Variants in CAV3 observed in about 807,000 individuals in gnomAD.
The protein encoded by CAV3 is caveolin-3.
A neutral mutation model predicts 13.4 loss-of-function variants in CAV3; 10 were observed. The ratio of observed to expected loss-of-function variants is 0.75; its 90% confidence interval spans 0.46 to 1.27. The LOEUF (loss-of-function observed/expected upper bound fraction) is 1.27, where lower values mean the gene tolerates loss of function less well. Ranked by LOEUF, CAV3 falls within the 50% of genes most tolerant of loss-of-function variation. The pLI, the probability that CAV3 is intolerant of heterozygous loss-of-function variation, is 0.00. For missense variants in CAV3, 162 were observed against 194.0 expected, an observed-to-expected ratio of 0.83 and a Z score of 0.98; for synonymous variants, 90 against 79.0, an observed-to-expected ratio of 1.14 and a Z score of -0.74.
At position 8,746,106 on chromosome 3, in the gene CAV3, A is replaced by G; in HGVS notation, c.*239A>G. 2.0e-6 allele frequency: 1 copy of G among 502,894 alleles called. No individual in the cohort carries two copies. Among genetic ancestry groups the G allele is most frequent in the Non-Finnish European group, 3.6e-6 (1 of 279,640 alleles). 31.2% of individuals were successfully genotyped at this position (502,894 alleles called of 1,614,324 possible). A position where few individuals can be genotyped will look rare whatever the true frequency, so the allele number is the denominator to read the frequency against. ...TGCCCCCATGCCTGGGCGTGGGGGA[A>G]GATCATTTGCCAAGAGGCAGCTACT... On this transcript the variant is annotated 3_prime_UTR_variant, in exon 2 of 2. Coordinates refer to ENST00000343849, the MANE Select transcript of CAV3 (RefSeq NM_033337.3).
Position 8,746,015 on chromosome 3 carries a change from A to G in CAV3, c.*148A>G. On this transcript the variant is annotated 3_prime_UTR_variant, in exon 2 of 2. Transcript: ENST00000343849. ...ATGGAGCACACGGTGTAGGGAAGCC[A>G]GAAAGAAAAGACGGCCCAGCCACAG... 1 of 639,830 alleles carries G rather than the reference A, an allele frequency of 1.6e-6. No homozygotes were observed. 39.6% of individuals were successfully genotyped at this position (639,830 alleles called of 1,614,324 possible). A position where few individuals can be genotyped will look rare whatever the true frequency, so the allele number is the denominator to read the frequency against.
chr3:8,733,807 C>A lies in CAV3; in HGVS notation c.-70C>A, dbSNP rs1707646830. ...TGGGGACACTGAATTGGTCTCTCTG[C>A]CCCAAGTATTTTCAGCCCCAGCCGG... On this transcript the variant is annotated 5_prime_UTR_variant, in exon 1 of 2. Transcript: ENST00000343849. 2.2e-6 allele frequency: 2 copies of A among 909,182 alleles called. No homozygotes were observed. Among genetic ancestry groups the A allele is most frequent in the Non-Finnish European group, 3.6e-6 (2 of 549,764 alleles). The allele number at this position is 909,182 out of a possible 1,614,324, so 56.3% of individuals were successfully genotyped here. A position where few individuals can be genotyped will look rare whatever the true frequency, so the allele number is the denominator to read the frequency against.
chr3:8,743,480 C>G (rs1708044848), intron 1 of CAV3, among the ~76,000 whole-genome samples: 1 of 152,176 alleles, frequency 6.6e-6, no homozygotes, highest in Non-Finnish European at 1.5e-5. Context: ...TTCCTCTCCT[C>G]CCATCCACAG....
chr3:8,740,981 C>G (rs1305526498), intron 1 of CAV3, among the ~76,000 whole-genome samples: 1 of 152,250 alleles, frequency 6.6e-6, no homozygotes, highest in Admixed American at 6.5e-5. Context: ...TGGCCCCAAA[C>G]TGACATGCAT....
chr3:8,737,664 C>A (rs1249192008), intron 1 of CAV3, among the ~76,000 whole-genome samples: 1 of 152,140 alleles, frequency 6.6e-6, no homozygotes, highest in Non-Finnish European at 1.5e-5. Flanking sequence ...CCCTCCTCAC[C>A]AACACTGATT....
chr3:8,737,215 G>A (rs1707786997), intron 1 of CAV3, among the ~76,000 whole-genome samples: 1 of 152,204 alleles, frequency 6.6e-6, no homozygotes, highest in South Asian at 2.1e-4. Context: ...TGGCCTCACA[G>A]GTGGTAGCAG....
intron 1 of CAV3, among the ~76,000 whole-genome samples, chr3:8,741,004 A>G (rs1050354270): frequency 6.6e-6 from 1 of 152,276 alleles, no homozygotes; most frequent in African/African-American, 2.4e-5. Context: ...AGGGCCATAT[A>G]CATCGTGGGT....
At chr3:8,744,215 A>C (rs1247001102) in intron 1 of CAV3, among the ~76,000 whole-genome samples, 1 of 151,840 alleles carries the variant, frequency 6.6e-6, no homozygotes, top group Non-Finnish European at 1.5e-5. Flanking sequence ...GGTAACAACC[A>C]TGGGGAGACC....
At chr3:8,744,365 G>A (rs1199892786) in intron 1 of CAV3, among the ~76,000 whole-genome samples, 1 of 140,632 alleles carries the variant, frequency 7.1e-6, no homozygotes, top group Non-Finnish European at 1.5e-5. Context: ...TGCAAGCCCC[G>A]CCTCCCGGGT....
chr3:8,736,244 C>T (rs1317061855), intron 1 of CAV3, among the ~76,000 whole-genome samples: 1 of 152,132 alleles, frequency 6.6e-6, no homozygotes, highest in African/African-American at 2.4e-5. Flanking sequence ...GACTCAGTTT[C>T]CCCTGTAAAG....
intron 1 of CAV3, chr3:8,742,699 G>C: frequency 6.2e-6 from 2 of 322,268 alleles, no homozygotes; most frequent in South Asian, 4.9e-5. Flanking sequence ...TGGGCAAAGT[G>C]GGTAATCAAT....
At chr3:8,734,062 G>A in intron 1 of CAV3, 72 bp downstream of exon 1, 1 of 821,732 alleles carries the variant, frequency 1.2e-6, no homozygotes, top group Non-Finnish European at 2.1e-6. Context: ...TGGCAGGGGA[G>A]GGTATCTGCT....
rs13093809 is a variant in CAV3, at chr3:8,746,410, T to C, written c.*543T>C. ...GTCTCTTCACTTGGCCAAATGTAAGTGAAGAACAGAGTCTTTTTCTTCTTC... is the reference window on the plus strand; with the variant it reads ...GTCTCTTCACTTGGCCAAATGTAAGCGAAGAACAGAGTCTTTTTCTTCTTC... On this transcript the variant is annotated 3_prime_UTR_variant, in exon 2 of 2. Transcript: ENST00000343849. 0.1 allele frequency: 15,573 copies of C among 153,622 alleles called. 1,056 individuals carry two copies. The highest frequency in any genetic ancestry group is 0.16 in the Non-Finnish European group (10,753 of 68,922). 9.5% of individuals were successfully genotyped at this position (153,622 alleles called of 1,614,324 possible). A position where few individuals can be genotyped will look rare whatever the true frequency, so the allele number is the denominator to read the frequency against.
intron 1 of CAV3, among the ~76,000 whole-genome samples, chr3:8,735,624 C>T (rs62242629): frequency 2.6e-5 from 4 of 152,156 alleles, no homozygotes; most frequent in Non-Finnish European, 4.4e-5. Context: ...GCCTGTATTG[C>T]GGTCTTTCAG....
At position 8,745,942 on chromosome 3, in the gene CAV3, G is replaced by A; in HGVS notation, c.*75G>A. ...TGGTCCCCGGGGGACTTCTTCACAG[G>A]GGCTGCTGGCGAGCTCTTTCTCTTT... On this transcript the variant is annotated 3_prime_UTR_variant, in exon 2 of 2. Coordinates refer to ENST00000343849, the MANE Select transcript of CAV3 (RefSeq NM_033337.3). The surrounding 1 kb of genome is among the most constrained non-coding windows in gnomAD (Gnocchi z 4.8). 2 of 1,237,634 alleles carry A rather than the reference G, an allele frequency of 1.6e-6. No individual in the cohort carries two copies. Among genetic ancestry groups the A allele is most frequent in the Non-Finnish European group, 2.3e-6 (2 of 868,826 alleles). The allele number at this position is 1,237,634 out of a possible 1,614,324, so 76.7% of individuals were successfully genotyped here.
chr3:8,736,156 C>T (rs1707746415), intron 1 of CAV3, among the ~76,000 whole-genome samples: 1 of 152,150 alleles, frequency 6.6e-6, no homozygotes, highest in Admixed American at 6.5e-5. Flanking sequence ...CTGGACTTGA[C>T]TTTAATAGAC....
intron 1 of CAV3, among the ~76,000 whole-genome samples, chr3:8,743,646 C>T (rs1445436175): frequency 6.6e-6 from 1 of 152,188 alleles, no homozygotes; most frequent in Non-Finnish European, 1.5e-5. Flanking sequence ...TGACACACCA[C>T]CCCGAGTGAG....
intron 1 of CAV3, among the ~76,000 whole-genome samples, chr3:8,734,226 G>C (rs915118144): frequency 4.1e-5 from 6 of 145,302 alleles, no homozygotes; most frequent in African/African-American, 1.5e-4. Flanking sequence ...CATGACCTAA[G>C]TGCTAATCAG....
In CAV3 at chr3:8,745,522, G is replaced by A. The variant is rs1164773455; in HGVS notation, c.115-4G>A. 1 of 1,612,886 alleles carries A rather than the reference G, an allele frequency of 6.2e-7. No homozygotes were observed. The highest frequency in any genetic ancestry group is 8.5e-7 in the Non-Finnish European group (1 of 1,178,938). Reference sequence around the variant, plus strand: ...GTTGAGGCTTCCCCTTGCCACCCCTGCAGGTGGATTTTGAAGACGTGATCG... The same window carrying A: ...GTTGAGGCTTCCCCTTGCCACCCCTACAGGTGGATTTTGAAGACGTGATCG... On this transcript the variant is annotated splice_region_variant and splice_polypyrimidine_tract_variant and intron_variant, in intron 1 of 1. Transcript: ENST00000343849. The surrounding 1 kb of genome is among the most constrained non-coding windows in gnomAD (Gnocchi z 4.8).
Sources: gnomAD v4.1 joint callset for allele counts (sites outside exome capture counted in the v4.1 genomes callset) on GRCh38, gnomAD v4.1.1 for gene constraint, Gnocchi (gnomAD v3.1) non-coding constraint, MANE v1.5 for transcripts, NCBI Gene and HGNC (gene_info 2026-07-23, HGNC 2026-07-21) for gene names.